PBRM1: variants seen among roughly 807,000 people sequenced by gnomAD.
PBRM1 encodes polybromo 1.
A neutral mutation model predicts 194.5 loss-of-function variants in PBRM1; 27 were observed. The observed-to-expected ratio is 0.14, with a 90% CI of 0.10 to 0.19. The LOEUF is 0.19. Among genes scored for constraint, PBRM1 ranks in the 10% least tolerant of loss-of-function variants. The pLI is 1.00. For missense variants in PBRM1, 1,466 were observed against 2,077.2 expected (o/e 0.71, Z 5.72); for synonymous variants, 655 against 693.2 (o/e 0.94, Z 0.87).
At chr3:52,563,385 C>A in exon 24 of PBRM1, 1 of 1,613,972 alleles carries the variant, frequency 6.2e-7, no homozygotes, top group East Asian at 2.2e-5. Context: ...CTTCTCCCAT[C>A]TCTTCAATAT....
At chr3:52,562,628 TG>T (rs368811136) in intron 24 of PBRM1, among the ~76,000 whole-genome samples, 4 of 151,566 alleles carry the variant, frequency 2.6e-5, no homozygotes, top group African/African-American at 9.7e-5. Context: ...ACTGCAGCCT[TG>T]ATCTCCCAGT....
chr3:52,628,922 C>T (rs567250482), exon 12 of PBRM1: 5 of 1,613,734 alleles, frequency 3.1e-6, no homozygotes, highest in Admixed American at 1.7e-5. Context: ...TTTTAGAACT[C>T]GCTTGTAGAT....
Position 52,618,522 on chromosome 3 carries a change from A to C in PBRM1, c.1542-984T>G, listed in dbSNP as rs1358677600. On this transcript the variant is annotated intron_variant, in intron 13 of 29. Transcript: ENST00000296302. ...AATTCTAGCCAGATAAAGAAATTCT[A>C]GTCAGACTAACCAGCAGTCTCCAAG... 4.6e-5 allele frequency among the ~76,000 whole-genome samples: 7 copies of C among 152,108 alleles called. No homozygotes were observed. In the East Asian group the frequency reaches 1.4e-3, roughly 29 times the overall value.
intron 20 of PBRM1, among the ~76,000 whole-genome samples, chr3:52,579,516 C>A (rs1194582139): frequency 6.6e-6 from 1 of 151,922 alleles, no homozygotes; most frequent in Non-Finnish European, 1.5e-5. Context: ...GTAGATCACT[C>A]GAGCTCAGGA....
At chr3:52,579,290 A>T in intron 20 of PBRM1, 91 bp from the exon 23 acceptor site, 2 of 1,251,938 alleles carry the variant, frequency 1.6e-6, no homozygotes, top group Non-Finnish European at 2.3e-6. Context: ...TTTCACATTA[A>T]CTTAAAAGAA....
In PBRM1 at chr3:52,651,907, G is replaced by C. The variant is rs1158640043; in HGVS notation, c.646-97C>G. ...TGACAATCTGTTGTTCAAACAACCA[G>C]TGAAGCAGCTTTGTGAGATTCAAGA... On this transcript the variant is annotated intron_variant, in intron 5 of 29. Coordinates refer to ENST00000296302, the Ensembl canonical transcript of PBRM1. The C allele has an allele frequency of 7.4e-5, 55 of 746,828 alleles. 1 individual carries two copies. The South Asian group carries it at 9.6e-4, about 13-fold the overall frequency. 46.3% of individuals were successfully genotyped at this position (746,828 alleles called of 1,614,324 possible).
intron 10 of PBRM1, among the ~76,000 whole-genome samples, chr3:52,641,091 G>A (rs926278398): frequency 1.3e-5 from 2 of 152,054 alleles, no homozygotes; most frequent in Admixed American, 6.6e-5. Context: ...ATAGCCTATA[G>A]TGATTATGAA....
Position 52,586,690 on chromosome 3 carries a change from T to TG in PBRM1, c.3124-3dup, listed in dbSNP as rs1236693676. 5 of 1,420,402 alleles carry TG rather than the reference T, an allele frequency of 3.5e-6. No homozygotes were observed. The highest frequency in any genetic ancestry group is 3.8e-6 in the Non-Finnish European group (4 of 1,066,186). The allele number at this position is 1,420,402 out of a possible 1,614,324, so 88.0% of individuals were successfully genotyped here. A position where few individuals can be genotyped will look rare whatever the true frequency, so the allele number is the denominator to read the frequency against. ...TTCTGGGCATAACTTAAAGTATTCC[T>TG]GGGGGGTGGGGAGGGCATAAGAATA... is the stretch of plus-strand genomic sequence containing the variant. On this transcript the variant is annotated splice_region_variant and splice_polypyrimidine_tract_variant and intron_variant, in intron 19 of 29. Coordinates refer to ENST00000296302, the Ensembl canonical transcript of PBRM1.
rs149520043 is a variant in PBRM1 at position 52,616,204 on chromosome 3, T to C, written c.1819-748A>G. 4.0e-3 allele frequency among the ~76,000 whole-genome samples: 614 copies of C among 152,318 alleles called. 3 individuals are homozygous for C. Among genetic ancestry groups the C allele is most frequent in the South Asian group, 0.023 (110 of 4,826 alleles). ...CTGAGGACTGTGTAAACCCTTAAGA[T>C]AGAACCATTTTTTTATCTATAAGCA... On this transcript the variant is annotated intron_variant, in intron 14 of 29. Transcript: ENST00000296302.
chr3:52,586,305 T>G (rs184650941), intron 20 of PBRM1, 120 bp downstream of exon 22: 1 of 810,840 alleles, frequency 1.2e-6, no homozygotes, highest in Admixed American at 2.4e-5. Context: ...TCCTTCTTCC[T>G]GTTTGGCTAA....
intron 13 of PBRM1, among the ~76,000 whole-genome samples, chr3:52,621,222 C>T (rs954887357): frequency 6.6e-6 from 1 of 152,074 alleles, no homozygotes; most frequent in Admixed American, 6.6e-5. Context: ...CTCAGAGGTG[C>T]CATCTCGGCT....
At chr3:52,662,134 C>G (rs752499912) in exon 4 of PBRM1, 2 of 1,613,576 alleles carry the variant, frequency 1.2e-6, no homozygotes, top group African/African-American at 1.3e-5. Flanking sequence ...CACACTTACT[C>G]CTTCAGTCAC....
chr3:52,671,426 C>T (rs923732293), intron 2 of PBRM1, among the ~76,000 whole-genome samples: 1 of 152,188 alleles, frequency 6.6e-6, no homozygotes, highest in Non-Finnish European at 1.5e-5. Context: ...AGCAGAGGGA[C>T]GGTATCTTCT....
chr3:52,579,160 G>T, exon 21 of PBRM1: 1 of 1,613,904 alleles, frequency 6.2e-7, no homozygotes, highest in Non-Finnish European at 8.5e-7. Context: ...TGGCAACCTG[G>T]TTCACCATTG....
chr3:52,661,737 G>A (rs981826971), intron 4 of PBRM1, among the ~76,000 whole-genome samples: 2 of 152,218 alleles, frequency 1.3e-5, no homozygotes, highest in Non-Finnish European at 2.9e-5. Flanking sequence ...TCTAGGAACA[G>A]TAACTATTCT....
At chr3:52,563,390 C>G in exon 24 of PBRM1, 1 of 1,613,964 alleles carries the variant, frequency 6.2e-7, no homozygotes, top group Non-Finnish European at 8.5e-7. Context: ...CCCATCTCTT[C>G]AATATCATCA....
chr3:52,612,731 C>T (rs1005019530), intron 15 of PBRM1, among the ~76,000 whole-genome samples: 1 of 151,968 alleles, frequency 6.6e-6, no homozygotes, highest in Non-Finnish European at 1.5e-5. Context: ...TGGTGAAGCC[C>T]TGTCTCTATT....
intron 13 of PBRM1, among the ~76,000 whole-genome samples, chr3:52,619,496 T>TA (rs1417146490): frequency 6.6e-6 from 1 of 152,218 alleles, no homozygotes; most frequent in Non-Finnish European, 1.5e-5. Context: ...AAGATGCAAT[T>TA]AAAAAATTTT....
intron 15 of PBRM1, 68 bp downstream of exon 17, chr3:52,615,283 A>G: frequency 1.2e-6 from 1 of 823,216 alleles, no homozygotes; most frequent in Non-Finnish European, 2.1e-6. Context: ...ATTAAATATT[A>G]TTTCAGAAAA....
Sources: allele counts gnomAD v4.1 joint callset (sites outside exome capture counted in the v4.1 genomes callset), GRCh38; gene constraint gnomAD v4.1.1; transcripts MANE v1.5; gene names NCBI Gene and HGNC (gene_info 2026-07-23, HGNC 2026-07-21).